Variants in RABGAP1 observed in about 807,000 individuals in gnomAD.
The protein encoded by RABGAP1 is rab GTPase-activating protein 1.
A neutral mutation model predicts 137.6 loss-of-function variants in RABGAP1; 23 were observed. That is an observed-to-expected ratio of 0.17 (90% CI 0.12 to 0.24). The LOEUF is 0.24. Among genes scored for constraint, RABGAP1 ranks in the 10% least tolerant of loss-of-function variants. The pLI is 1.00. For synonymous variants in RABGAP1, 451 were observed against 450.7 expected (o/e 1.00, Z -0.01); for missense variants, 906 against 1,275.8 (o/e 0.71, Z 4.42).
At chr9:122,953,872 G>A (rs1252973796) in intron 1 of RABGAP1, among the ~76,000 whole-genome samples, 1 of 152,114 alleles carries the variant, frequency 6.6e-6, no homozygotes, top group Non-Finnish European at 1.5e-5. Context: ...TTAACAAATA[G>A]TTGAGCACCT....
chr9:122,965,396 A>T (rs191693374), intron 2 of RABGAP1, among the ~76,000 whole-genome samples: 1,549 of 151,952 alleles, frequency 0.01, 29 homozygotes, highest in African/African-American at 0.034. Context: ...ACTAAAAAAA[A>T]TTTTTTTTGA....
chr9:122,967,394 G>A (rs975290203), intron 2 of RABGAP1, among the ~76,000 whole-genome samples: 4 of 152,150 alleles, frequency 2.6e-5, no homozygotes, highest in African/African-American at 9.7e-5. Context: ...TTGAATGATT[G>A]TAGGATATTT....
Position 122,948,358 on chromosome 9 carries a change from A to G in RABGAP1, c.-50+7265A>G, listed in dbSNP as rs75989874. ...GAGGGAGAGAGATGCAATCCAGAAA[A>G]GAACAGAGACACCTAGATACTTGGG... On this transcript the variant is annotated intron_variant, in intron 1 of 25. Transcript: ENST00000373647. 4.1e-3 allele frequency among the ~76,000 whole-genome samples: 631 copies of G among 152,246 alleles called. 7 individuals are homozygous for G. Among genetic ancestry groups the G allele is most frequent in the East Asian group, 0.034 (175 of 5,180 alleles).
chr9:122,954,454 T>A (rs1834406175), intron 1 of RABGAP1, among the ~76,000 whole-genome samples: 1 of 152,262 alleles, frequency 6.6e-6, no homozygotes, highest in Non-Finnish European at 1.5e-5. Context: ...TATTTTCCTA[T>A]CACCTTCTCA....
intron 11 of RABGAP1, among the ~76,000 whole-genome samples, chr9:123,015,278 TTAAA>T (rs568580728): frequency 5.1e-4 from 73 of 144,446 alleles, no homozygotes; most frequent in Middle Eastern, 3.7e-3. Context: ...AGTTTTATAA[TTAAA>T]TAGCTCCTTT....
intron 2 of RABGAP1, among the ~76,000 whole-genome samples, chr9:122,966,953 G>A (rs1835190570): frequency 1.3e-5 from 2 of 152,144 alleles, no homozygotes; most frequent in Non-Finnish European, 1.5e-5. Flanking sequence ...AACAGCATGG[G>A]AAAGACCTGC....
intron 13 of RABGAP1, among the ~76,000 whole-genome samples, chr9:123,061,354 G>A (rs533943180): frequency 6.6e-6 from 1 of 152,152 alleles, no homozygotes; most frequent in African/African-American, 2.4e-5. Flanking sequence ...GGCTCAAGTG[G>A]TTTACTCGCC....
At chr9:122,976,678 C>T (rs1211119860) in intron 2 of RABGAP1, among the ~76,000 whole-genome samples, 1 of 152,188 alleles carries the variant, frequency 6.6e-6, no homozygotes, top group Non-Finnish European at 1.5e-5. Flanking sequence ...TTGTCCCAGT[C>T]ACTATCTGAA....
intron 19 of RABGAP1, 166 bp downstream of exon 19, chr9:123,076,928 G>A: frequency 5.4e-6 from 2 of 368,462 alleles, no homozygotes; most frequent in Non-Finnish European, 7.8e-6. Context: ...GTTTTCTTCT[G>A]TATTATATAA....
intron 13 of RABGAP1, among the ~76,000 whole-genome samples, chr9:123,031,735 A>G (rs1322317328): frequency 6.6e-6 from 1 of 152,192 alleles, no homozygotes; most frequent in African/African-American, 2.4e-5. Flanking sequence ...GGAAAAATAC[A>G]GAGGCTTATT....
chr9:123,035,331 T>C (rs763181351), intron 13 of RABGAP1: 2 of 1,614,068 alleles, frequency 1.2e-6, no homozygotes, highest in African/African-American at 1.3e-5. Context: ...TGGTCCTGTT[T>C]CGAATCACTA....
intron 13 of RABGAP1, among the ~76,000 whole-genome samples, chr9:123,025,214 T>A (rs2031884979): frequency 6.6e-6 from 1 of 152,222 alleles, no homozygotes; most frequent in South Asian, 2.1e-4. Context: ...TTCTCATATA[T>A]GCTGGGATTG....
intron 13 of RABGAP1, chr9:123,034,260 T>C: frequency 2.4e-6 from 1 of 409,720 alleles, no homozygotes; most frequent in Non-Finnish European, 4.3e-6. Flanking sequence ...TCACTTGGCC[T>C]GAAGACGTTC....
At chr9:122,976,799 A>G (rs1835780903) in intron 2 of RABGAP1, among the ~76,000 whole-genome samples, 1 of 152,234 alleles carries the variant, frequency 6.6e-6, no homozygotes, top group South Asian at 2.1e-4. Flanking sequence ...ATAAACATAT[A>G]TGCTAATATT....
At position 122,999,244 on chromosome 9, in the gene RABGAP1, C is replaced by T. The variant is rs959969034; in HGVS notation, c.1374+478C>T. Among the ~76,000 whole-genome samples the T allele has an allele frequency of 5.3e-5, 8 of 152,074 alleles. No individual in the cohort carries two copies. The East Asian group carries it at 5.8e-4, about 11-fold the overall frequency. Reference sequence around the variant, plus strand: ...CACCACCCAGGCTGGAGTGCAGTGGCGCAATCTTGGCTCACTGCAACCTCC... The same window carrying T: ...CACCACCCAGGCTGGAGTGCAGTGGTGCAATCTTGGCTCACTGCAACCTCC... On this transcript the variant is annotated intron_variant, in intron 10 of 25. Coordinates refer to ENST00000373647, the MANE Select transcript of RABGAP1 (RefSeq NM_012197.4).
chr9:123,047,930 T>TTC, intron 13 of RABGAP1, among the ~76,000 whole-genome samples: 1 of 71,424 alleles, frequency 1.4e-5, no homozygotes, highest in Non-Finnish European at 2.3e-5. Flanking sequence ...TTTTTTTTTT[T>TTC]TTTTTTTTTT....
intron 13 of RABGAP1, chr9:123,034,482 G>T: frequency 2.4e-6 from 2 of 817,404 alleles, no homozygotes; most frequent in Non-Finnish European, 4.0e-6. Flanking sequence ...ATGCAAAGCT[G>T]ACCGCAATGA....
chr9:123,089,567 A>G (rs752959064), intron 19 of RABGAP1, 191 bp from the exon 20 acceptor site: 18 of 539,242 alleles, frequency 3.3e-5, no homozygotes, highest in Non-Finnish European at 5.6e-5. Context: ...ACAGAACTCT[A>G]AACGCATTGA....
chr9:123,079,989 A>T (rs1203096905), intron 19 of RABGAP1, among the ~76,000 whole-genome samples: 1 of 152,242 alleles, frequency 6.6e-6, no homozygotes, highest in Non-Finnish European at 1.5e-5. Flanking sequence ...GTGAATGAAT[A>T]AATACACTGT....
Sources: allele counts gnomAD v4.1 joint callset (sites outside exome capture counted in the v4.1 genomes callset), GRCh38; gene constraint gnomAD v4.1.1; transcripts MANE v1.5; gene names NCBI Gene and HGNC (gene_info 2026-07-23, HGNC 2026-07-21).